MAP3K13: variants seen among roughly 807,000 people sequenced by gnomAD.
MAP3K13 encodes leucine zipper-bearing kinase.
In MAP3K13, 52 loss-of-function variants were observed where a neutral mutation model predicts 104.0. The observed-to-expected ratio is 0.50, with a 90% CI of 0.40 to 0.63. The LOEUF is 0.63. Ranked by LOEUF, MAP3K13 falls within the 20% of genes least tolerant of loss-of-function variation. MAP3K13 has a pLI of 0.00. For synonymous variants in MAP3K13, 394 were observed against 442.2 expected (o/e 0.89, Z 1.37); for missense variants, 914 against 1,218.5 (o/e 0.75, Z 3.72).
intron 1 of MAP3K13, among the ~76,000 whole-genome samples, chr3:185,372,626 C>A (rs1312435897): frequency 6.6e-6 from 1 of 152,162 alleles, no homozygotes; most frequent in Non-Finnish European, 1.5e-5. Flanking sequence ...ATAAGGATTT[C>A]TTTTAACTGA....
At chr3:185,474,309 G>A (rs1198762790) in intron 11 of MAP3K13, among the ~76,000 whole-genome samples, 1 of 152,190 alleles carries the variant, frequency 6.6e-6, no homozygotes, top group Non-Finnish European at 1.5e-5. Context: ...CTGGGTGGCA[G>A]AGCGAGACTC....
chr3:185,480,473 C>T lies in MAP3K13; in HGVS notation c.2743C>T (p.Arg915Cys), dbSNP rs376662287. ...GLSDKECAVR[R>C]VKTQMSLGKL... is the part of the protein sequence containing the mutation. ...CTCTGACAAGGAGTGTGCCGTGCGC[C>T]GTGTGAAGACTCAGATGTCTCTGGG... The change falls in exon 13 of 14, where the codon CGT becomes TGT. Residue 915 changes from arginine (R) to cysteine (C), a missense_variant. Transcript: ENST00000265026. 145 of 1,614,030 alleles carry T rather than the reference C, an allele frequency of 9.0e-5. No individual in the cohort carries two copies. The highest frequency in any genetic ancestry group is 4.0e-4 in the Admixed American group (24 of 59,998).
chr3:185,440,608 T>C (rs956283802), intron 3 of MAP3K13, among the ~76,000 whole-genome samples: 16 of 152,066 alleles, frequency 1.1e-4, no homozygotes, highest in Non-Finnish European at 4.4e-5. Flanking sequence ...AGGAGAGTAA[T>C]AGAAATAGCT....
intron 2 of MAP3K13, among the ~76,000 whole-genome samples, chr3:185,429,322 A>G (rs1446528669): frequency 1.3e-5 from 2 of 152,248 alleles, no homozygotes; most frequent in East Asian, 1.9e-4. Context: ...CCATGGGATT[A>G]TAAGAAGAAA....
intron 1 of MAP3K13, among the ~76,000 whole-genome samples, chr3:185,405,559 T>C (rs1334887084): frequency 6.6e-6 from 1 of 152,224 alleles, no homozygotes; most frequent in Non-Finnish European, 1.5e-5. Flanking sequence ...TTTGCGCAGT[T>C]CTTTTGGCCA....
At chr3:185,349,452 C>CT (rs11394095) in intron 2 of MAP3K13, among the ~76,000 whole-genome samples, 41,762 of 152,032 alleles carry the variant, frequency 0.27, 8,118 homozygotes, top group African/African-American at 0.54. Context: ...TGACTTCATT[C>CT]TTTTTATGGG....
At chr3:185,291,589 T>C in intron 2 of MAP3K13, 1 of 1,501,134 alleles carries the variant, frequency 6.7e-7, no homozygotes, top group Non-Finnish European at 8.8e-7. Context: ...GTAGAATTTT[T>C]TTGTGTTTTG....
At chr3:185,364,105 G>A (rs1299659785) in intron 1 of MAP3K13, among the ~76,000 whole-genome samples, 1 of 152,228 alleles carries the variant, frequency 6.6e-6, no homozygotes, top group African/African-American at 2.4e-5. Context: ...GCATAGAAAT[G>A]CACATGAGTG....
At chr3:185,467,106 G>A in intron 10 of MAP3K13, 143 bp downstream of exon 10, 1 of 856,200 alleles carries the variant, frequency 1.2e-6, no homozygotes, top group Non-Finnish European at 1.8e-6. Context: ...GTAAAACAGA[G>A]TAAGAAGGTG....
chr3:185,455,008 GATATATATGAT>G (rs1716348716), intron 7 of MAP3K13, among the ~76,000 whole-genome samples: 1 of 24,510 alleles, frequency 4.1e-5, no homozygotes, highest in Admixed American at 6.9e-4. Context: ...ATATATATGA[GATATATATGAT>G]ATATATGAGA....
At position 185,455,679 on chromosome 3, in the gene MAP3K13, GAGAT is replaced by G. The variant is rs1485571451; in HGVS notation, c.1278+4286_1278+4289del. Among the ~76,000 whole-genome samples the G allele has an allele frequency of 3.2e-3, 35 of 10,884 alleles. 8 individuals carry two copies. The highest frequency in any genetic ancestry group is 6.6e-3 in the Non-Finnish European group (27 of 4,116). The allele number at this position is 10,884 out of a possible 152,430, so 7.1% of individuals were successfully genotyped here. A position where few individuals can be genotyped will look rare whatever the true frequency, so the allele number is the denominator to read the frequency against. ...TATGATATATATATGATATATATATGAGATATATATATGATATATATATGAGATA... is the reference window on the plus strand; with the variant it reads ...TATGATATATATATGATATATATATGATATATATGATATATATATGAGATA... On this transcript the variant is annotated intron_variant, in intron 7 of 13. Coordinates refer to ENST00000265026, the MANE Select transcript of MAP3K13 (RefSeq NM_004721.5).
chr3:185,442,294 G>A (rs1715371644), intron 3 of MAP3K13, among the ~76,000 whole-genome samples: 2 of 150,376 alleles, frequency 1.3e-5, no homozygotes, highest in South Asian at 2.1e-4. Flanking sequence ...ACCTTGTTAC[G>A]ACGTCACCAC....
Position 185,463,616 on chromosome 3 carries a change from C to T in MAP3K13, c.1345C>T (p.Arg449Trp), listed in dbSNP as rs1717238558. ...KIKSEGTCIH[R>W]LDEELIRRRR... The stretch of plus-strand genomic sequence containing the variant: ...CAAAAGTGAAGGAACTTGTATACAC[C>T]GGTTAGATGAAGAACTGATTCGAAG... The change falls in exon 8 of 14, where the codon CGG (arginine) becomes TGG (tryptophan). Residue 449 changes from arginine (R) to tryptophan (W), a missense_variant. This residue lies in a region of MAP3K13 where 583 missense variants were observed against 737.4 expected (regional missense o/e 0.79). Coordinates refer to ENST00000265026, the MANE Select transcript of MAP3K13 (RefSeq NM_004721.5). The T allele has an allele frequency of 6.2e-7, 1 of 1,613,056 alleles. No homozygotes were observed. The highest frequency in any genetic ancestry group is 8.5e-7 in the Non-Finnish European group (1 of 1,179,226).
At position 185,291,850 on chromosome 3, in the gene MAP3K13, T is replaced by C. The variant is rs868133878; in HGVS notation, c.-86+6207T>C. 20 of 1,240,424 alleles carry C rather than the reference T, an allele frequency of 1.6e-5. No individual in the cohort carries two copies. In the South Asian group the frequency reaches 2.9e-4, roughly 18 times the overall value. The allele number at this position is 1,240,424 out of a possible 1,614,324, so 76.8% of individuals were successfully genotyped here. A position where few individuals can be genotyped will look rare whatever the true frequency, so the allele number is the denominator to read the frequency against. ...TCTTCAATTTCCTTGGCCTCTAGGG[T>C]CCTTCATATTGCTTACGTTCCTTTA... On this transcript the variant is annotated intron_variant, in intron 2 of 14. Transcript: ENST00000424227.
chr3:185,431,869 G>C (rs1274367294), intron 2 of MAP3K13, among the ~76,000 whole-genome samples: 3 of 151,762 alleles, frequency 2.0e-5, no homozygotes, highest in African/African-American at 7.3e-5. Context: ...TCACTTCCAG[G>C]TCCTTTTCAG....
chr3:185,429,289 A>C (rs1714612412), intron 2 of MAP3K13, among the ~76,000 whole-genome samples: 1 of 152,188 alleles, frequency 6.6e-6, no homozygotes, highest in Non-Finnish European at 1.5e-5. Context: ...GCGGTGTCCA[A>C]AGTACAGTAC....
At chr3:185,456,596 C>CTTTTTT (rs35547697) in intron 7 of MAP3K13, among the ~76,000 whole-genome samples, 5 of 108,006 alleles carry the variant, frequency 4.6e-5, no homozygotes, top group Non-Finnish European at 7.0e-5. Context: ...TTTGCTTCTC[C>CTTTTTT]TTTTTTTTTT....
intron 2 of MAP3K13, among the ~76,000 whole-genome samples, chr3:185,308,039 T>TA (rs1280906339): frequency 3.2e-4 from 38 of 117,320 alleles, no homozygotes; most frequent in African/African-American, 1.2e-3. Context: ...TTTTGAGACT[T>TA]ACTTTGTTCC....
intron 1 of MAP3K13, among the ~76,000 whole-genome samples, chr3:185,371,438 T>C (rs1724158625): frequency 6.6e-6 from 1 of 152,236 alleles, no homozygotes; most frequent in Non-Finnish European, 1.5e-5. Context: ...ACAATTTTAA[T>C]TGTTTAAAAA....
Sources: gnomAD v4.1 joint callset for allele counts (sites outside exome capture counted in the v4.1 genomes callset) on GRCh38, gnomAD v4.1.1 for gene constraint, gnomAD v4.1.1 regional missense constraint, MANE v1.5 for transcripts, NCBI Gene and HGNC (gene_info 2026-07-23, HGNC 2026-07-21) for gene names.